The following KNDC1 variants were observed in gnomAD, a reference collection of about 807,000 sequenced individuals.
KNDC1 encodes kinase non-catalytic C-lobe domain-containing protein 1.
KNDC1 carries 106 observed loss-of-function variants against 172.8 expected under a neutral mutation model. The observed-to-expected ratio is 0.61, with a 90% CI of 0.52 to 0.72. The LOEUF is 0.72. Ranked by LOEUF, KNDC1 falls within the 30% of genes least tolerant of loss-of-function variation. The pLI is 0.00. For missense variants in KNDC1, 2,325 were observed against 2,394.5 expected, an observed-to-expected ratio of 0.97 and a Z score of 0.61; for synonymous variants, 1,083 against 1,062.2, an observed-to-expected ratio of 1.02 and a Z score of -0.38.
At chr10:133,178,428 A>T (rs1457698027) in intron 3 of KNDC1, among the ~76,000 whole-genome samples, 1 of 152,212 alleles carries the variant, frequency 6.6e-6, no homozygotes, top group African/African-American at 2.4e-5. Flanking sequence ...TAGCGAAACT[A>T]CAGCAAGTTT....
At position 133,186,320 on chromosome 10, in the gene KNDC1, G is replaced by T. The variant is rs778778472; in HGVS notation, c.972G>T (p.Leu324=). 3.1e-6 allele frequency: 5 copies of T among 1,612,506 alleles called. No individual in the cohort carries two copies. The highest frequency in any genetic ancestry group is 4.2e-6 in the Non-Finnish European group (5 of 1,179,888). ...CCGAGGCCACCCTCTGCCTGCCGCT[G>T]ACCCGCGGGAAAAGCCAGCTGCCCA... ...DSPEATLCLP[L]TRGKSQLPIS... is the part of the protein sequence containing the mutation. Residue 324 remains leucine, a synonymous_variant, in exon 6 of 30, where the codon CTG becomes CTT. Transcript: ENST00000304613.
intron 3 of KNDC1, among the ~76,000 whole-genome samples, chr10:133,178,585 CT>C (rs1853625831): frequency 6.6e-6 from 1 of 152,152 alleles, no homozygotes; most frequent in Non-Finnish European, 1.5e-5. Flanking sequence ...CCGGTCCCCC[CT>C]CTGCTGCCCG....
rs574567296 is a variant in KNDC1, at chr10:133,203,808, G to A, written c.3387+1910G>A. Reference sequence around the variant, plus strand: ...AGTTACCGTGGATTTATTAAAATCAGTCAAGACCGTCCTCCTCATGGAGTC... The same window carrying A: ...AGTTACCGTGGATTTATTAAAATCAATCAAGACCGTCCTCCTCATGGAGTC... On this transcript the variant is annotated intron_variant, in intron 17 of 29. Transcript: ENST00000304613. 1.1e-4 allele frequency among the ~76,000 whole-genome samples: 17 copies of A among 152,342 alleles called. No homozygotes were observed. In the South Asian group the frequency reaches 3.3e-3, roughly 30 times the overall value.
In KNDC1 at chr10:133,218,382, G is replaced by A. The variant is rs142949510; in HGVS notation, c.4678-449G>A. Among the ~76,000 whole-genome samples the A allele has an allele frequency of 5.2e-3, 799 of 152,316 alleles. 8 individuals are homozygous for A. Among genetic ancestry groups the A allele is most frequent in the African/African-American group, 0.018 (755 of 41,570 alleles). On this transcript the variant is annotated intron_variant, in intron 26 of 29. Transcript: ENST00000304613. Reference sequence around the variant, plus strand: ...GGGGCGGCACTCAGGCACCCACCCCGGACTGCACCCAAACACTCCTGCCAC... The same window carrying A: ...GGGGCGGCACTCAGGCACCCACCCCAGACTGCACCCAAACACTCCTGCCAC...
rs780836641 is a variant in KNDC1 at position 133,210,621 on chromosome 10, C to A, written c.3805C>A (p.Leu1269Met). The change falls in exon 21 of 30, where the codon CTG becomes ATG. Residue 1269 changes from leucine (L) to methionine (M), a missense_variant. Leu to Met is a conservative substitution (Grantham distance 15). Transcript: ENST00000304613. Reference protein sequence around the residue: ...MAYLYSSDAFLEGYVQQFLYT... With the variant: ...MAYLYSSDAFMEGYVQQFLYT... The stretch of plus-strand genomic sequence containing the variant: ...CGCCCCGCCCCACAGTGATGCCTTC[C>A]TGGAGGGTTATGTGCAGCAATTCCT... 13 of 1,612,884 alleles carry A rather than the reference C, an allele frequency of 8.1e-6. No individual in the cohort carries two copies. The South Asian group carries it at 1.4e-4, about 18-fold the overall frequency.
Position 133,219,943 on chromosome 10 carries a change from C to T in KNDC1, c.4861-12C>T. 1 of 1,547,274 alleles carries T rather than the reference C, an allele frequency of 6.5e-7. No individual in the cohort carries two copies. Among genetic ancestry groups the T allele is most frequent in the Non-Finnish European group, 8.7e-7 (1 of 1,144,650 alleles). On this transcript the variant is annotated splice_polypyrimidine_tract_variant and intron_variant, in intron 28 of 29. Coordinates refer to ENST00000304613, the MANE Select transcript of KNDC1 (RefSeq NM_152643.8). Reference sequence around the variant, plus strand: ...TGTCTCTCCCCGGCCCACGCCCCGGCTGGACCACCAGGTCTTCCTGAAGAG... The same window carrying T: ...TGTCTCTCCCCGGCCCACGCCCCGGTTGGACCACCAGGTCTTCCTGAAGAG...
rs1486161931 is a variant in KNDC1 at position 133,189,842 on chromosome 10, G to T, written c.1575+29G>T. The T allele has an allele frequency of 4.2e-6, 6 of 1,420,330 alleles. No individual in the cohort carries two copies. In the South Asian group the frequency reaches 5.8e-5, roughly 14 times the overall value. The allele number at this position is 1,420,330 out of a possible 1,614,324, so 88.0% of individuals were successfully genotyped here. On this transcript the variant is annotated intron_variant, in intron 9 of 29. Transcript: ENST00000304613. ...CCCGGGCCCTCCCCACCCTGCCCCAGCCCTGCCCCCAGCCCTCGGGGATGC... is the reference window on the plus strand; with the variant it reads ...CCCGGGCCCTCCCCACCCTGCCCCATCCCTGCCCCCAGCCCTCGGGGATGC...
At chr10:133,204,344 C>T (rs1854464213) in intron 17 of KNDC1, among the ~76,000 whole-genome samples, 1 of 152,246 alleles carries the variant, frequency 6.6e-6, no homozygotes, top group Non-Finnish European at 1.5e-5. Context: ...GACTGAGGAC[C>T]TGATGTTTTA....
In KNDC1 at chr10:133,209,525, A is replaced by T. The variant is rs935699305; in HGVS notation, c.3795-1086A>T. Among the ~76,000 whole-genome samples, 5 of 148,466 alleles carry T rather than the reference A, an allele frequency of 3.4e-5. No homozygotes were observed. Among genetic ancestry groups the T allele is most frequent in the Non-Finnish European group, 6.0e-5 (4 of 67,058 alleles). ...TGTGGAGTTCTGTGTGGCTTTGTGCATGTGTGTGGTGTGCGCGTCTGGTTG... is the reference window on the plus strand; with the variant it reads ...TGTGGAGTTCTGTGTGGCTTTGTGCTTGTGTGTGGTGTGCGCGTCTGGTTG... On this transcript the variant is annotated intron_variant, in intron 20 of 29. Transcript: ENST00000304613. This position sits in a 1 kb window ranked among gnomAD's most constrained non-coding sequence, Gnocchi z 4.9.
intron 3 of KNDC1, among the ~76,000 whole-genome samples, chr10:133,169,409 G>T (rs1853298440): frequency 1.3e-5 from 2 of 152,230 alleles, no homozygotes; most frequent in African/African-American, 4.8e-5. Context: ...GCAGTGAGCG[G>T]AGATGGCACC....
At chr10:133,160,774 G>A (rs1022752160) in intron 1 of KNDC1, among the ~76,000 whole-genome samples, 4 of 152,224 alleles carry the variant, frequency 2.6e-5, no homozygotes, top group Non-Finnish European at 5.9e-5. Context: ...CGGGACGGCG[G>A]CGGGTGGGCA....
intron 29 of KNDC1, among the ~76,000 whole-genome samples, chr10:133,221,635 C>T (rs1222143397): frequency 1.3e-5 from 2 of 152,224 alleles, no homozygotes; most frequent in East Asian, 1.9e-4. Flanking sequence ...CAATGCTCAG[C>T]GGACCAGGTG....
chr10:133,182,508 C>CG (rs1853747959), intron 3 of KNDC1, among the ~76,000 whole-genome samples: 1 of 152,198 alleles, frequency 6.6e-6, no homozygotes, highest in Non-Finnish European at 1.5e-5. Flanking sequence ...GTTCCTGAGC[C>CG]GCTCTGCGTT....
intron 4 of KNDC1, 48 bp from the exon 5 acceptor site, chr10:133,183,823 AG>A: frequency 7.1e-7 from 1 of 1,407,506 alleles, no homozygotes; most frequent in Non-Finnish European, 9.7e-7. Flanking sequence ...TGGCTGCGGG[AG>A]ATGGCCCCTC....
chr10:133,205,912 A>T (rs1435242522), intron 17 of KNDC1, among the ~76,000 whole-genome samples: 1 of 152,166 alleles, frequency 6.6e-6, no homozygotes, highest in Non-Finnish European at 1.5e-5. Context: ...CAATAAAAAT[A>T]AAAAACGGCC....
rs758043790 is a variant in KNDC1, at chr10:133,219,014, C to T, written c.4801-17C>T. On this transcript the variant is annotated splice_polypyrimidine_tract_variant and intron_variant, in intron 27 of 29. Coordinates refer to ENST00000304613, the MANE Select transcript of KNDC1 (RefSeq NM_152643.8). Reference sequence around the variant, plus strand: ...ACCCGCACGGCCGCAGGAGGCTCACCTGTGCTTTCATTTCAGGCCTGGAGA... The same window carrying T: ...ACCCGCACGGCCGCAGGAGGCTCACTTGTGCTTTCATTTCAGGCCTGGAGA... 6.2e-7 allele frequency: 1 copy of T among 1,613,956 alleles called. No individual in the cohort carries two copies. The highest frequency in any genetic ancestry group is 8.5e-7 in the Non-Finnish European group (1 of 1,179,980).
At chr10:133,218,416 C>T (rs889460045) in intron 26 of KNDC1, among the ~76,000 whole-genome samples, 2 of 152,208 alleles carry the variant, frequency 1.3e-5, no homozygotes, top group African/African-American at 2.4e-5. Context: ...ACGGGCTTGG[C>T]GCAGCGGGTT....
At chr10:133,170,982 G>A (rs762235140) in intron 3 of KNDC1, among the ~76,000 whole-genome samples, 39 of 152,324 alleles carry the variant, frequency 2.6e-4, no homozygotes, top group Admixed American at 1.6e-3. Context: ...GCTGGCCGAC[G>A]GTGTCCTCTG....
chr10:133,160,587 C>A lies in KNDC1; in HGVS notation c.102+18C>A. On this transcript the variant is annotated intron_variant, in intron 1 of 29. Coordinates refer to ENST00000304613, the MANE Select transcript of KNDC1 (RefSeq NM_152643.8). ...AGGACGAGGTGAGCCCCCGGCCCCA[C>A]TGGGGGGCCCCTTCCGCCGCCGAGG... The A allele has an allele frequency of 6.5e-7, 1 of 1,534,848 alleles. No homozygotes were observed. Among genetic ancestry groups the A allele is most frequent in the Non-Finnish European group, 8.8e-7 (1 of 1,135,518 alleles).
Sources: gnomAD v4.1 joint callset for allele counts (sites outside exome capture counted in the v4.1 genomes callset) on GRCh38, gnomAD v4.1.1 for gene constraint, Gnocchi (gnomAD v3.1) non-coding constraint, MANE v1.5 for transcripts, NCBI Gene and HGNC (gene_info 2026-07-23, HGNC 2026-07-21) for gene names.